Variants in SORCS1 observed in about 807,000 individuals in gnomAD.
SORCS1 encodes the protein VPS10 domain-containing receptor SorCS1.
A neutral mutation model predicts 146.1 loss-of-function variants in SORCS1; 60 were observed. The observed-to-expected ratio is 0.41, with a 90% CI of 0.33 to 0.51. The LOEUF (loss-of-function observed/expected upper bound fraction) is 0.51. Ranked by LOEUF, SORCS1 falls within the 20% of genes least tolerant of loss-of-function variation. The probability of loss-of-function intolerance (pLI) is 0.21; values close to 1 mark genes in which losing one functional copy is unlikely to be tolerated. For missense variants in SORCS1, 1,352 were observed against 1,487.6 expected, an observed-to-expected ratio of 0.91 and a Z score of 1.50; for synonymous variants, 637 against 584.0, an observed-to-expected ratio of 1.09 and a Z score of -1.31.
At chr10:107,108,530 T>A (rs1481768845) in intron 1 of SORCS1, among the ~76,000 whole-genome samples, 2 of 152,094 alleles carry the variant, frequency 1.3e-5, no homozygotes, top group Non-Finnish European at 2.9e-5. Context: ...CACCAAGCCA[T>A]CAGGAATCTA....
chr10:107,037,045 A>C (rs1483106119), intron 1 of SORCS1, among the ~76,000 whole-genome samples: 1 of 152,044 alleles, frequency 6.6e-6, no homozygotes, highest in African/African-American at 2.4e-5. Context: ...CGGGAGTTTG[A>C]GACCAGCCTG....
At chr10:107,007,095 G>C (rs1589912975) in intron 1 of SORCS1, among the ~76,000 whole-genome samples, 1 of 152,090 alleles carries the variant, frequency 6.6e-6, no homozygotes, top group East Asian at 1.9e-4. Context: ...GTTAACCTTG[G>C]TCTAAAACTT....
chr10:107,156,687 G>C (rs1969308179), intron 1 of SORCS1, among the ~76,000 whole-genome samples: 1 of 152,174 alleles, frequency 6.6e-6, no homozygotes, highest in South Asian at 2.1e-4. Context: ...CCTTCAGTTT[G>C]ACTACTGCTG....
Position 107,123,948 on chromosome 10 carries a change from G to C in SORCS1, c.558+40021C>G, listed in dbSNP as rs570261267. On this transcript the variant is annotated intron_variant, in intron 1 of 25. Coordinates refer to ENST00000263054, the MANE Select transcript of SORCS1 (RefSeq NM_052918.5). ...AAAAAAAAAAAAAAATGAGCTGGGC[G>C]TGGTGGCGGGTACCTGTAGTCCCAG... Among the ~76,000 whole-genome samples, 4 of 151,636 alleles carry C rather than the reference G, an allele frequency of 2.6e-5. No homozygotes were observed. The East Asian group carries it at 7.8e-4, about 29-fold the overall frequency.
At position 107,033,402 on chromosome 10, in the gene SORCS1, A is replaced by T. The variant is rs140291371; in HGVS notation, c.559-76822T>A. On this transcript the variant is annotated intron_variant, in intron 1 of 25. Transcript: ENST00000263054. The stretch of plus-strand genomic sequence containing the variant: ...TTTCTAAAAACCAGTATAATGTGCC[A>T]TGCTTTCCCGATCTTATTTTTCATA... 9.2e-5 allele frequency among the ~76,000 whole-genome samples: 14 copies of T among 152,328 alleles called. No individual in the cohort carries two copies. In the East Asian group the frequency reaches 2.7e-3, roughly 29 times the overall value.
At chr10:106,983,120 A>G (rs1956304051) in intron 1 of SORCS1, among the ~76,000 whole-genome samples, 1 of 148,440 alleles carries the variant, frequency 6.7e-6, no homozygotes, top group South Asian at 2.1e-4. Flanking sequence ...ATATATATAT[A>G]TATTTCTATA....
chr10:107,029,251 G>C (rs1325992450), intron 1 of SORCS1, among the ~76,000 whole-genome samples: 3 of 152,154 alleles, frequency 2.0e-5, no homozygotes, highest in Non-Finnish European at 4.4e-5. Flanking sequence ...TGGCACGCTA[G>C]CATCATTCTG....
chr10:106,766,898 G>C (rs919738000), intron 4 of SORCS1, among the ~76,000 whole-genome samples: 2 of 152,286 alleles, frequency 1.3e-5, no homozygotes, highest in Non-Finnish European at 2.9e-5. Flanking sequence ...TTAGAATGAA[G>C]ACATGCAGAA....
intron 5 of SORCS1, among the ~76,000 whole-genome samples, chr10:106,746,777 C>A (rs1004978808): frequency 3.9e-5 from 6 of 152,206 alleles, no homozygotes; most frequent in African/African-American, 1.4e-4. Flanking sequence ...CCAGGAGCTG[C>A]TGAAATGTGA....
At chr10:107,000,467 C>T (rs376814114) in intron 1 of SORCS1, among the ~76,000 whole-genome samples, 6 of 151,032 alleles carry the variant, frequency 4.0e-5, no homozygotes, top group South Asian at 4.2e-4. Flanking sequence ...ATTATCTGGG[C>T]GTGGTGGCAC....
At chr10:106,963,581 C>T (rs554550702) in intron 1 of SORCS1, among the ~76,000 whole-genome samples, 1 of 151,718 alleles carries the variant, frequency 6.6e-6, no homozygotes, top group Admixed American at 6.6e-5. Flanking sequence ...TTTGGGGACC[C>T]AAGAATCCTT....
chr10:106,628,652 T>C (rs1219267466), intron 19 of SORCS1, among the ~76,000 whole-genome samples: 1 of 152,214 alleles, frequency 6.6e-6, no homozygotes, highest in East Asian at 1.9e-4. Context: ...ACTGTTTTTA[T>C]ACTCTTTCTC....
In SORCS1 at chr10:106,709,304, T is replaced by C. The variant is rs1854776386; in HGVS notation, c.1062A>G (p.Thr354=). Reference sequence around the variant, plus strand: ...GAAAAGGCTGATTCCTGTTGGCCTCTGTACAGTTCTGCATTCGGCAAGTTA... The same window carrying C: ...GAAAAGGCTGATTCCTGTTGGCCTCCGTACAGTTCTGCATTCGGCAAGTTA... ...HYLTCRMQNC[T]EANRNQPFPG... The change falls in exon 7 of 26, where the codon ACA becomes ACG. Residue 354 remains threonine (T), a synonymous_variant. Transcript: ENST00000263054. 6.2e-7 allele frequency: 1 copy of C among 1,613,966 alleles called. No homozygotes were observed. Among genetic ancestry groups the C allele is most frequent in the East Asian group, 2.2e-5 (1 of 44,858 alleles).
intron 2 of SORCS1, among the ~76,000 whole-genome samples, chr10:106,948,452 T>C (rs1954482116): frequency 6.6e-6 from 1 of 151,902 alleles, no homozygotes; most frequent in South Asian, 2.1e-4. Context: ...TTAAGGGGAC[T>C]GCTTGAAGCC....
intron 2 of SORCS1, among the ~76,000 whole-genome samples, chr10:106,854,138 G>C (rs1949695287): frequency 6.6e-6 from 1 of 151,822 alleles, no homozygotes; most frequent in Admixed American, 6.6e-5. Flanking sequence ...ACTCATGTTA[G>C]GCATGTGCAT....
intron 1 of SORCS1, among the ~76,000 whole-genome samples, chr10:107,101,545 CCT>C (rs1465782774): frequency 3.3e-5 from 5 of 152,094 alleles, no homozygotes; most frequent in Admixed American, 3.3e-4. Flanking sequence ...GTAAAATTCC[CCT>C]GTGCTTCACC....
At chr10:106,936,608 A>G (rs550536612) in intron 2 of SORCS1, among the ~76,000 whole-genome samples, 5 of 152,312 alleles carry the variant, frequency 3.3e-5, no homozygotes, top group African/African-American at 9.6e-5. Flanking sequence ...ATGTGAGGGA[A>G]TAAGTTTTTG....
chr10:106,887,172 T>C (rs1325903548), intron 2 of SORCS1, among the ~76,000 whole-genome samples: 1 of 152,246 alleles, frequency 6.6e-6, no homozygotes, highest in Non-Finnish European at 1.5e-5. Context: ...CAACTGGCCA[T>C]AATTGTGCTT....
chr10:106,947,059 T>G (rs946878488), intron 2 of SORCS1, among the ~76,000 whole-genome samples: 1 of 152,144 alleles, frequency 6.6e-6, no homozygotes, highest in Non-Finnish European at 1.5e-5. Flanking sequence ...ATGATCACCA[T>G]CACTTGTGGT....
Sources: allele counts gnomAD v4.1 joint callset (sites outside exome capture counted in the v4.1 genomes callset), GRCh38; gene constraint gnomAD v4.1.1; transcripts MANE v1.5; gene names NCBI Gene and HGNC (gene_info 2026-07-23, HGNC 2026-07-21).